The following GDAP1 variants were observed in gnomAD, a reference collection of about 807,000 sequenced individuals.
The protein encoded by GDAP1 is ganglioside-induced differentiation-associated protein 1.
A neutral mutation model predicts 40.1 loss-of-function variants in GDAP1; 34 were observed. The observed-to-expected ratio is 0.85, with a 90% CI of 0.64 to 1.13. The LOEUF (loss-of-function observed/expected upper bound fraction) is 1.13. Ranked by LOEUF, GDAP1 falls within the 50% of genes most tolerant of loss-of-function variation. GDAP1 has a pLI of 0.00. For missense variants in GDAP1, 374 were observed against 433.7 expected (o/e 0.86, Z 1.22); for synonymous variants, 170 against 157.4 (o/e 1.08, Z -0.60).
chr8:74,462,753 G>A (rs1239888324), intron 2 of GDAP1, among the ~76,000 whole-genome samples: 1 of 152,006 alleles, frequency 6.6e-6, no homozygotes, highest in African/African-American at 2.4e-5. Context: ...AACAAAAATT[G>A]GGAATGAGAA....
intron 2 of GDAP1, among the ~76,000 whole-genome samples, chr8:74,470,901 C>T (rs1380859773): frequency 6.6e-6 from 1 of 152,208 alleles, no homozygotes; most frequent in Admixed American, 6.5e-5. Context: ...TTCTCCACAT[C>T]CTCTCCAGCA....
chr8:74,458,750 T>TAG (rs1806366029), intron 2 of GDAP1, among the ~76,000 whole-genome samples: 1 of 152,132 alleles, frequency 6.6e-6, no homozygotes, highest in African/African-American at 2.4e-5. Flanking sequence ...TATTTGGAGA[T>TAG]AGAGTCTTTG....
chr8:74,477,745 G>A (rs1351256677), intron 2 of GDAP1, among the ~76,000 whole-genome samples: 1 of 152,222 alleles, frequency 6.6e-6, no homozygotes, highest in Non-Finnish European at 1.5e-5. Flanking sequence ...GGCAGTGGCA[G>A]TGGAATCTGT....
chr8:74,440,139 G>A (rs1044200853), intron 2 of GDAP1, among the ~76,000 whole-genome samples: 1 of 152,134 alleles, frequency 6.6e-6, no homozygotes, highest in African/African-American at 2.4e-5. Context: ...TTCAGAGCCA[G>A]ACTGAGAACA....
chr8:74,360,293 C>T lies in GDAP1; in HGVS notation c.467C>T (p.Ala156Val), dbSNP rs397515441. 1 of 1,613,592 alleles carries T rather than the reference C, an allele frequency of 6.2e-7. No homozygotes were observed. The highest frequency in any genetic ancestry group is 2.2e-5 in the East Asian group (1 of 44,878). The change falls in exon 3 of 6, where the codon GCA becomes GTA. Residue 156 changes from alanine to valine, a missense_variant. Ala to Val is a moderately conservative substitution (Grantham distance 64, BLOSUM62 0). Coordinates refer to ENST00000220822, the MANE Select transcript of GDAP1 (RefSeq NM_018972.4). ...LTVDSMIPAY[A>V]TTRIRSQIGN... ...GTGGACTCCATGATCCCGGCTTATG[C>T]AACTACAAGGATTCGTAGTATGTAA...
chr8:74,420,354 C>T (rs1167912194), intron 2 of GDAP1, among the ~76,000 whole-genome samples: 2 of 152,118 alleles, frequency 1.3e-5, no homozygotes, highest in African/African-American at 4.8e-5. Context: ...GTTCATGTTT[C>T]TGGATCAGTT....
intron 2 of GDAP1, among the ~76,000 whole-genome samples, chr8:74,486,546 A>T (rs917728102): frequency 6.6e-6 from 1 of 152,220 alleles, no homozygotes; most frequent in African/African-American, 2.4e-5. Flanking sequence ...TTGTTTTCAC[A>T]CAAAGAGGTT....
At chr8:74,398,802 A>G (rs1810259888) in intron 2 of GDAP1, among the ~76,000 whole-genome samples, 1 of 151,932 alleles carries the variant, frequency 6.6e-6, no homozygotes, top group South Asian at 2.1e-4. Flanking sequence ...ATCTATTGAG[A>G]TAATCATGTG....
At chr8:74,386,529 G>A (rs1257224326) in intron 2 of GDAP1, among the ~76,000 whole-genome samples, 1 of 152,078 alleles carries the variant, frequency 6.6e-6, no homozygotes, top group African/African-American at 2.4e-5. Flanking sequence ...CTTTTGTTCT[G>A]TTCCATTGCT....
In GDAP1 at chr8:74,452,166, G is replaced by A. The variant is rs538060199; in HGVS notation, c.166-36512G>A. ...GGGGTTTCACTGTGTTAGCCAGGGT[G>A]GTCTTGATCTCCTGACCTTGTGATC... On this transcript the variant is annotated intron_variant, in intron 2 of 2. Transcript: ENST00000523640. 3.1e-4 allele frequency among the ~76,000 whole-genome samples: 25 copies of A among 81,376 alleles called. 10 individuals are homozygous for A. In the East Asian group the frequency reaches 8.3e-3, roughly 27 times the overall value. The allele number at this position is 81,376 out of a possible 152,430, so 53.4% of individuals were successfully genotyped here. A position where few individuals can be genotyped will look rare whatever the true frequency, so the allele number is the denominator to read the frequency against.
At chr8:74,446,581 TC>T (rs1806229707) in intron 2 of GDAP1, among the ~76,000 whole-genome samples, 1 of 152,208 alleles carries the variant, frequency 6.6e-6, no homozygotes, top group Admixed American at 6.5e-5. Context: ...TTGGCATTTT[TC>T]AAGTCATAAT....
chr8:74,373,431 G>A (rs972191794), intron 2 of GDAP1, among the ~76,000 whole-genome samples: 11 of 152,066 alleles, frequency 7.2e-5, no homozygotes, highest in South Asian at 4.2e-4. Context: ...CTTTTATTTC[G>A]TTGAGCACTG....
intron 2 of GDAP1, among the ~76,000 whole-genome samples, chr8:74,380,450 T>G (rs940183550): frequency 1.3e-5 from 2 of 152,248 alleles, no homozygotes; most frequent in African/African-American, 4.8e-5. Flanking sequence ...CCTAGAATTA[T>G]TTTTAAAAAT....
intron 2 of GDAP1, among the ~76,000 whole-genome samples, chr8:74,441,226 T>C (rs1376807956): frequency 6.6e-6 from 1 of 152,140 alleles, no homozygotes; most frequent in African/African-American, 2.4e-5. Flanking sequence ...ACGAAAGACT[T>C]GGGCCACTTT....
chr8:74,422,409 C>G (rs1349417866), intron 2 of GDAP1, among the ~76,000 whole-genome samples: 1 of 135,410 alleles, frequency 7.4e-6, no homozygotes, highest in African/African-American at 2.8e-5. Context: ...GTCTCTCTCT[C>G]TCTCTTCGTT....
intron 2 of GDAP1, among the ~76,000 whole-genome samples, chr8:74,391,389 G>A (rs914738104): frequency 2.6e-5 from 4 of 152,080 alleles, no homozygotes; most frequent in East Asian, 2.0e-4. Context: ...AGAATGCATC[G>A]TTCCTCATGG....
intron 2 of GDAP1, among the ~76,000 whole-genome samples, chr8:74,405,508 C>T (rs1222726706): frequency 1.3e-5 from 2 of 150,108 alleles, no homozygotes; most frequent in East Asian, 3.8e-4. Flanking sequence ...GGAAGGCCAA[C>T]TGTGTTTGTT....
chr8:74,407,620 G>A (rs1282477537), intron 2 of GDAP1, among the ~76,000 whole-genome samples: 2 of 149,732 alleles, frequency 1.3e-5, no homozygotes, highest in African/African-American at 5.1e-5. Context: ...CCTTGTGATC[G>A]TGTGAGTCAG....
Position 74,413,235 on chromosome 8 carries a change from T to G in GDAP1, c.165+61914T>G, listed in dbSNP as rs1054224647. Among the ~76,000 whole-genome samples, 17 of 149,838 alleles carry G rather than the reference T, an allele frequency of 1.1e-4. 1 individual carries two copies. The highest frequency in any genetic ancestry group is 4.3e-4 in the African/African-American group (17 of 39,188). On this transcript the variant is annotated intron_variant, in intron 2 of 2. Coordinates refer to the GDAP1 transcript ENST00000523640. ...TTCTACTTAATGCAGCTATAAAATC[T>G]GGACAGAATGCACAGAGCAGCTATT...
Sources: allele counts gnomAD v4.1 joint callset (sites outside exome capture counted in the v4.1 genomes callset), GRCh38; gene constraint gnomAD v4.1.1; transcripts MANE v1.5; gene names NCBI Gene and HGNC (gene_info 2026-07-23, HGNC 2026-07-21).